Variants in PTPRD observed in about 807,000 individuals in gnomAD.
PTPRD encodes the protein protein tyrosine phosphatase receptor type D.
Under a neutral mutation model 214.5 loss-of-function variants are expected in PTPRD, and 34 were observed. The ratio of observed to expected loss-of-function variants is 0.16; its 90% confidence interval spans 0.12 to 0.21. The LOEUF is 0.21. PTPRD is among the 10% of genes least tolerant of loss of function. The pLI is 1.00. For missense variants in PTPRD, 2,545 were observed against 2,398.7 expected (o/e 1.06, Z -1.27); for synonymous variants, 1,128 against 845.7 (o/e 1.33, Z -5.79).
Position 10,005,382 on chromosome 9 carries a change from T to G in PTPRD, c.-472+28336A>C, listed in dbSNP as rs548420289. 4.7e-4 allele frequency among the ~76,000 whole-genome samples: 71 copies of G among 152,278 alleles called. 1 individual carries two copies. In the South Asian group the frequency reaches 0.014, roughly 31 times the overall value. ...ATCAAAAAGCAGTTGTAGGTTCTACTGTGCTCAGTTCCTGCGGACTGCTGC... is the reference window on the plus strand; with the variant it reads ...ATCAAAAAGCAGTTGTAGGTTCTACGGTGCTCAGTTCCTGCGGACTGCTGC... On this transcript the variant is annotated intron_variant, in intron 4 of 45. Transcript: ENST00000381196.
At chr9:10,538,998 G>C (rs936538544) in intron 2 of PTPRD, among the ~76,000 whole-genome samples, 1 of 152,060 alleles carries the variant, frequency 6.6e-6, no homozygotes, top group Non-Finnish European at 1.5e-5. Flanking sequence ...TATCCAGGGA[G>C]TAAAGTTTTG....
intron 3 of PTPRD, among the ~76,000 whole-genome samples, chr9:10,298,131 A>G (rs539017758): frequency 6.6e-6 from 1 of 152,246 alleles, no homozygotes; most frequent in South Asian, 2.1e-4. Context: ...ATAAAAACAT[A>G]TATCATGAAT....
At chr9:10,285,712 G>A (rs1033546621) in intron 3 of PTPRD, among the ~76,000 whole-genome samples, 6 of 145,162 alleles carry the variant, frequency 4.1e-5, no homozygotes, top group African/African-American at 7.7e-5. Flanking sequence ...CCAGGTTCAC[G>A]CCATTCTCCT....
At chr9:9,603,424 T>G (rs540175670) in intron 7 of PTPRD, among the ~76,000 whole-genome samples, 113 of 152,264 alleles carry the variant, frequency 7.4e-4, no homozygotes, top group African/African-American at 2.6e-3. Flanking sequence ...AAATAAAGGT[T>G]ATATAAGCCA....
At chr9:9,872,077 C>T (rs1357160077) in intron 5 of PTPRD, among the ~76,000 whole-genome samples, 2 of 152,032 alleles carry the variant, frequency 1.3e-5, no homozygotes, top group South Asian at 2.1e-4. Flanking sequence ...ATGATGGCTC[C>T]CCTCTATAAT....
intron 12 of PTPRD, among the ~76,000 whole-genome samples, chr9:8,703,202 T>G (rs1419540038): frequency 6.6e-6 from 1 of 152,222 alleles, no homozygotes; most frequent in Non-Finnish European, 1.5e-5. Context: ...TAATAGACTA[T>G]TCTTTGAGGA....
chr9:10,138,131 T>C (rs527283361), intron 3 of PTPRD, among the ~76,000 whole-genome samples: 3 of 152,086 alleles, frequency 2.0e-5, no homozygotes, highest in African/African-American at 7.2e-5. Flanking sequence ...ACAAGATGTA[T>C]AGACCTCTAG....
At chr9:9,702,903 G>A (rs1012088281) in intron 7 of PTPRD, among the ~76,000 whole-genome samples, 7 of 152,224 alleles carry the variant, frequency 4.6e-5, no homozygotes, top group African/African-American at 9.6e-5. Context: ...TGAAAAATCC[G>A]TAAAGCCAAT....
chr9:8,548,492 C>G (rs1488795129), intron 14 of PTPRD, among the ~76,000 whole-genome samples: 1 of 151,884 alleles, frequency 6.6e-6, no homozygotes, highest in African/African-American at 2.4e-5. Flanking sequence ...TTCAGCCTCC[C>G]AAGTATATGG....
chr9:9,586,503 G>C (rs2091989193), intron 7 of PTPRD, among the ~76,000 whole-genome samples: 1 of 151,868 alleles, frequency 6.6e-6, no homozygotes, highest in Non-Finnish European at 1.5e-5. Flanking sequence ...TCTGTCAGTT[G>C]TTCAATATGA....
At chr9:8,860,820 A>G (rs2098088394) in intron 11 of PTPRD, 1 of 152,182 alleles carries the variant, frequency 6.6e-6, no homozygotes, top group South Asian at 2.1e-4. Flanking sequence ...AAATCATCCA[A>G]CTATTTGGTG....
intron 26 of PTPRD, among the ~76,000 whole-genome samples, chr9:8,496,686 T>C (rs1341770311): frequency 6.6e-6 from 1 of 152,212 alleles, no homozygotes; most frequent in African/African-American, 2.4e-5. Context: ...ATCTACTGGA[T>C]ATGCGATCCT....
chr9:8,322,584 T>C (rs892411005), intron 44 of PTPRD, among the ~76,000 whole-genome samples: 2 of 152,138 alleles, frequency 1.3e-5, no homozygotes, highest in African/African-American at 2.4e-5. Flanking sequence ...GAAGAAAAGT[T>C]TGAAGTTAGC....
intron 2 of PTPRD, among the ~76,000 whole-genome samples, chr9:10,603,965 T>C (rs191428411): frequency 1.3e-5 from 2 of 151,752 alleles, no homozygotes; most frequent in African/African-American, 2.4e-5. Context: ...ATACAGACAA[T>C]AGTATAATCT....
At chr9:8,366,259 A>C (rs2079849658) in intron 39 of PTPRD, among the ~76,000 whole-genome samples, 1 of 152,096 alleles carries the variant, frequency 6.6e-6, no homozygotes, top group African/African-American at 2.4e-5. Context: ...GTTAATCCTG[A>C]CTCATTTTAT....
rs376768555 is a variant in PTPRD, at chr9:8,890,784, G to A, written c.-104+127913C>T. Among the ~76,000 whole-genome samples, 14 of 152,184 alleles carry A rather than the reference G, an allele frequency of 9.2e-5. No homozygotes were observed. The East Asian group carries it at 9.7e-4, about 11-fold the overall frequency. On this transcript the variant is annotated intron_variant, in intron 11 of 45. Coordinates refer to ENST00000381196, the MANE Select transcript of PTPRD (RefSeq NM_002839.4). ...GTACATCTATTTTTCCAAAAGCATT[G>A]GTCTCTAGGAAGCAAGGTGCTATTA...
intron 11 of PTPRD, among the ~76,000 whole-genome samples, chr9:8,992,588 G>A (rs868527340): frequency 6.6e-6 from 1 of 152,146 alleles, no homozygotes; most frequent in Non-Finnish European, 1.5e-5. Flanking sequence ...TTTTTATGGT[G>A]AGATAGGGTT....
At chr9:8,665,504 A>AAAGCTCAAC (rs1565115810) in intron 12 of PTPRD, among the ~76,000 whole-genome samples, 1 of 152,200 alleles carries the variant, frequency 6.6e-6, no homozygotes, top group Non-Finnish European at 1.5e-5. Flanking sequence ...GCTTACCTGA[A>AAAGCTCAAC]TTAGAAAGAA....
intron 2 of PTPRD, among the ~76,000 whole-genome samples, chr9:10,501,793 A>T (rs1185273825): frequency 6.6e-6 from 1 of 151,864 alleles, no homozygotes; most frequent in African/African-American, 2.4e-5. Context: ...AAATAAATAC[A>T]CTCTAATTGC....
Sources: gnomAD v4.1 joint callset for allele counts (sites outside exome capture counted in the v4.1 genomes callset) on GRCh38, gnomAD v4.1.1 for gene constraint, MANE v1.5 for transcripts, NCBI Gene and HGNC (gene_info 2026-07-23, HGNC 2026-07-21) for gene names.